The following CHPT1 variants were observed in gnomAD, a reference collection of about 807,000 sequenced individuals.
The protein encoded by CHPT1 is choline phosphotransferase 1.
CHPT1 carries 36 observed loss-of-function variants against 47.6 expected under a neutral mutation model. That is an observed-to-expected ratio of 0.76 (90% confidence interval 0.58 to 1.00). CHPT1 has a LOEUF of 1.00. CHPT1 is among the 50% of genes least tolerant of loss of function. The pLI is 0.00. For synonymous variants in CHPT1, 194 were observed against 186.3 expected (o/e 1.04, Z -0.33); for missense variants, 458 against 498.1 (o/e 0.92, Z 0.77).
At chr12:101,699,020 G>A (rs1040542588) in intron 1 of CHPT1, among the ~76,000 whole-genome samples, 16 of 152,184 alleles carry the variant, frequency 1.1e-4, no homozygotes, top group African/African-American at 2.9e-4. Context: ...GAGGACTCAT[G>A]GAGGTTGAGG....
intron 7 of CHPT1, 71 bp downstream of exon 7, chr12:101,723,918 C>A: frequency 8.5e-7 from 1 of 1,174,134 alleles, no homozygotes; most frequent in Non-Finnish European, 1.2e-6. Flanking sequence ...CTATCAGTAG[C>A]CTCAAGATCT....
chr12:101,723,710 AT>A lies in CHPT1; in HGVS notation c.940-5del, dbSNP rs750040817. ...CTTAATAGTAAAATTATTTTGTTTA[AT>A]TTTTTTATAGGTAGCTCACATGACC... On this transcript the variant is annotated splice_polypyrimidine_tract_variant and intron_variant, in intron 6 of 8. Transcript: ENST00000229266. 35 of 1,461,100 alleles carry A rather than the reference AT, an allele frequency of 2.4e-5. No individual in the cohort carries two copies. The highest frequency in any genetic ancestry group is 1.0e-4 in the Admixed American group (4 of 38,874). The allele number at this position is 1,461,100 out of a possible 1,614,324, so 90.5% of individuals were successfully genotyped here.
At chr12:101,724,486 G>GT (rs1461750620) in intron 7 of CHPT1, among the ~76,000 whole-genome samples, 6 of 152,248 alleles carry the variant, frequency 3.9e-5, no homozygotes, top group African/African-American at 1.4e-4. Flanking sequence ...TTTACAGCAA[G>GT]TAACAGGAAA....
At chr12:101,703,217 T>A (rs562359895) in intron 1 of CHPT1, among the ~76,000 whole-genome samples, 1 of 152,154 alleles carries the variant, frequency 6.6e-6, no homozygotes, top group Non-Finnish European at 1.5e-5. Flanking sequence ...CCAGTACAGT[T>A]GATGTGGATG....
chr12:101,728,382 C>G (rs1445588654), intron 8 of CHPT1: 3 of 153,610 alleles, frequency 2.0e-5, no homozygotes, highest in Non-Finnish European at 4.3e-5. Flanking sequence ...GACATATTCA[C>G]AAATCCATGT....
chr12:101,723,298 T>A lies in CHPT1; in HGVS notation c.911T>A (p.Val304Asp), dbSNP rs547589521. 6.2e-7 allele frequency: 1 copy of A among 1,604,710 alleles called. No individual in the cohort carries two copies. The highest frequency in any genetic ancestry group is 1.3e-5 in the African/African-American group (1 of 74,592). The change falls in exon 6 of 9, where the codon GTC becomes GAC. Residue 304 changes from valine to aspartate, a missense_variant. By Grantham distance (152) the Val-to-Asp change is radical (BLOSUM62 -3). Transcript: ENST00000229266. Reference protein sequence around the residue: ...PCLYILMFGCVFAKVSQKLVV... With the variant: ...PCLYILMFGCDFAKVSQKLVV... The stretch of plus-strand genomic sequence containing the variant: ...CTTTATATCCTAATGTTTGGATGTG[T>A]CTTTGCTAAAGTCTCACAAAAATTA...
intron 7 of CHPT1, among the ~76,000 whole-genome samples, chr12:101,725,480 T>A (rs2137031021): frequency 6.6e-6 from 1 of 152,220 alleles, no homozygotes; most frequent in African/African-American, 2.4e-5. Context: ...TATTACCAAG[T>A]GGAATTGCTG....
intron 1 of CHPT1, among the ~76,000 whole-genome samples, chr12:101,708,338 T>G (rs765240938): frequency 7.0e-4 from 105 of 150,758 alleles, no homozygotes; most frequent in African/African-American, 9.2e-4. Flanking sequence ...AATCAGTGGG[T>G]TTTTTTTTAA....
In CHPT1 at chr12:101,706,453, G is replaced by T. The variant is rs147838255; in HGVS notation, c.274-7637G>T. Among the ~76,000 whole-genome samples the T allele has an allele frequency of 7.2e-5, 11 of 152,040 alleles. No individual in the cohort carries two copies. In the South Asian group the frequency reaches 1.0e-3, roughly 14 times the overall value. ...GGCCACATACAAATGACATCACATCGATCTAGAGCTGAAACATACCTCAGA... is the reference window on the plus strand; with the variant it reads ...GGCCACATACAAATGACATCACATCTATCTAGAGCTGAAACATACCTCAGA... On this transcript the variant is annotated intron_variant, in intron 1 of 8. Coordinates refer to ENST00000229266, the MANE Select transcript of CHPT1 (RefSeq NM_020244.3).
intron 3 of CHPT1, among the ~76,000 whole-genome samples, chr12:101,715,338 C>T (rs868740372): frequency 6.6e-6 from 1 of 152,262 alleles, no homozygotes; most frequent in South Asian, 2.1e-4. Flanking sequence ...TTTTTAGCCC[C>T]ACTTTATTGC....
chr12:101,708,631 A>G (rs1055448120), intron 1 of CHPT1, among the ~76,000 whole-genome samples: 2 of 150,002 alleles, frequency 1.3e-5, no homozygotes, highest in Non-Finnish European at 3.0e-5. Context: ...ATTTAGAGAC[A>G]GGGTCTCACT....
intron 1 of CHPT1, among the ~76,000 whole-genome samples, chr12:101,713,663 C>T (rs1056801403): frequency 1.4e-5 from 2 of 142,338 alleles, no homozygotes; most frequent in Non-Finnish European, 3.2e-5. Flanking sequence ...TATTGCCTTT[C>T]TAGTTATATA....
At chr12:101,724,253 T>G (rs763203910) in intron 7 of CHPT1, among the ~76,000 whole-genome samples, 5 of 151,722 alleles carry the variant, frequency 3.3e-5, no homozygotes, top group Non-Finnish European at 7.4e-5. Context: ...CTATACAATA[T>G]ATACAATAAA....
intron 4 of CHPT1, among the ~76,000 whole-genome samples, chr12:101,719,156 G>GATAA (rs1555262967): frequency 2.1e-4 from 20 of 95,044 alleles, no homozygotes; most frequent in Middle Eastern, 6.8e-3. Context: ...CTCGTCTCAA[G>GATAA]AAAAAAAAAA....
At chr12:101,728,343 A>ATGAAG (rs1415762530) in intron 8 of CHPT1, 1 of 152,046 alleles carries the variant, frequency 6.6e-6, no homozygotes, top group Non-Finnish European at 1.5e-5. Flanking sequence ...ACCAAGCCCA[A>ATGAAG]TGAAGTGACA....
intron 7 of CHPT1, among the ~76,000 whole-genome samples, chr12:101,725,635 A>C (rs550983527): frequency 1.2e-3 from 187 of 152,102 alleles, no homozygotes; most frequent in African/African-American, 1.9e-3. Flanking sequence ...AAAAAAAAAA[A>C]AAAAAGCCAC....
rs1952042955 is a variant in CHPT1, at chr12:101,728,730, A to G, written c.1177-171A>G. The G allele has an allele frequency of 2.0e-5, 14 of 687,710 alleles. 1 individual carries two copies. In the South Asian group the frequency reaches 2.2e-4, roughly 11 times the overall value. The allele number at this position is 687,710 out of a possible 1,614,324, so 42.6% of individuals were successfully genotyped here. ...TACTAAAGAGCTGAAAGCTTAATAC[A>G]TATTCTTTAGGAATAGTTGCTAACT... On this transcript the variant is annotated intron_variant, in intron 8 of 8. Coordinates refer to ENST00000229266, the MANE Select transcript of CHPT1 (RefSeq NM_020244.3).
intron 8 of CHPT1, 100 bp from the exon 9 acceptor site, chr12:101,728,801 C>T (rs1469198067): frequency 8.6e-6 from 12 of 1,401,958 alleles, no homozygotes; most frequent in Non-Finnish European, 1.2e-5. Flanking sequence ...GGAGGTCTTA[C>T]AATGAAACAG....
chr12:101,698,114 TG>T lies in CHPT1; in HGVS notation c.254del (p.Cys85PhefsTer43). ...CACCACGCTCGTGCTCATCTCCTAC[TG>T]TCCCACGGCCACCGAAGAGGTAGGG... The part of the protein sequence containing the change: ...VVTTLVLISY[C>X]PTATEEAPYW... On this transcript the variant is annotated frameshift_variant, in exon 1 of 9. Transcript: ENST00000229266. LOFTEE classifies it high-confidence loss of function. 1 of 1,538,898 alleles carries T rather than the reference TG, an allele frequency of 6.5e-7. No homozygotes were observed. Among genetic ancestry groups the T allele is most frequent in the Non-Finnish European group, 8.7e-7 (1 of 1,149,828 alleles).
Sources: allele counts gnomAD v4.1 joint callset (sites outside exome capture counted in the v4.1 genomes callset), GRCh38; gene constraint gnomAD v4.1.1; transcripts MANE v1.5; gene names NCBI Gene and HGNC (gene_info 2026-07-23, HGNC 2026-07-21).